Variants in SGCD observed in about 807,000 individuals in gnomAD.
The protein encoded by SGCD is sarcoglycan delta.
In SGCD, 18 loss-of-function variants were observed where a neutral mutation model predicts 36.6. That is an observed-to-expected ratio of 0.49 (90% confidence interval 0.34 to 0.73). The LOEUF (loss-of-function observed/expected upper bound fraction) is 0.73. Ranked by LOEUF, SGCD falls within the 30% of genes least tolerant of loss-of-function variation. SGCD has a pLI of 0.01. For synonymous variants in SGCD, 133 were observed against 130.6 expected, an observed-to-expected ratio of 1.02 and a Z score of -0.12; for missense variants, 387 against 346.7, an observed-to-expected ratio of 1.12 and a Z score of -0.92.
At chr5:156,533,589 T>C (rs1581128432) in intron 4 of SGCD, among the ~76,000 whole-genome samples, 3 of 152,190 alleles carry the variant, frequency 2.0e-5, no homozygotes, top group South Asian at 2.1e-4. Flanking sequence ...TCCAAAGACA[T>C]GGACTTTCTT....
chr5:156,549,198 G>T (rs998509281), intron 4 of SGCD, among the ~76,000 whole-genome samples: 1 of 151,788 alleles, frequency 6.6e-6, no homozygotes, highest in African/African-American at 2.4e-5. Flanking sequence ...CCCAAGGTAT[G>T]ACATCATCTT....
intron 7 of SGCD, chr5:156,704,408 C>T (rs1393495571): frequency 6.6e-6 from 1 of 152,034 alleles, no homozygotes; most frequent in Non-Finnish European, 1.5e-5. Flanking sequence ...TTAGATTTGC[C>T]AAGGAAAGGT....
intron 3 of SGCD, among the ~76,000 whole-genome samples, chr5:156,172,476 G>A (rs544131379): frequency 5.4e-4 from 82 of 152,212 alleles, no homozygotes; most frequent in African/African-American, 1.9e-3. Context: ...AACTTCTCTG[G>A]TTTTTCATTT....
intron 7 of SGCD, among the ~76,000 whole-genome samples, chr5:156,711,516 G>C (rs1184095156): frequency 6.6e-6 from 1 of 152,156 alleles, no homozygotes; most frequent in Non-Finnish European, 1.5e-5. Context: ...TTAATCAATT[G>C]TATTTTGCCA....
the SGCD span, among the ~76,000 whole-genome samples, chr5:155,815,158 C>G: frequency 6.6e-6 from 1 of 152,114 alleles, no homozygotes; most frequent in East Asian, 1.9e-4. Context: ...AATATTCTAA[C>G]TGGAATATAC....
intron 1 of SGCD, among the ~76,000 whole-genome samples, chr5:156,017,294 T>C (rs767631285): frequency 2.6e-5 from 4 of 152,182 alleles, no homozygotes; most frequent in Non-Finnish European, 4.4e-5. Context: ...GTTCCAGCTT[T>C]GTTTATATAG....
At chr5:156,318,278 T>G (rs1424366769) in intron 3 of SGCD, among the ~76,000 whole-genome samples, 1 of 152,192 alleles carries the variant, frequency 6.6e-6, no homozygotes. Context: ...AAAAGGATAA[T>G]TAATGCATTT....
At chr5:156,269,877 A>G (rs1766126940) in intron 3 of SGCD, among the ~76,000 whole-genome samples, 1 of 152,206 alleles carries the variant, frequency 6.6e-6, no homozygotes. Flanking sequence ...CTTAAGTTTA[A>G]TTAGATCTCA....
Position 156,149,695 on chromosome 5 carries a change from C to T in SGCD, c.-44+25676C>T, listed in dbSNP as rs548638713. ...TGAAGGGGCCAGGGGAGGTGGGGAC[C>T]TTGAGAGCTGGTGGGGTGATGTGGG... On this transcript the variant is annotated intron_variant, in intron 3 of 9. Transcript: ENST00000517913. Among the ~76,000 whole-genome samples the T allele has an allele frequency of 2.7e-3, 409 of 151,756 alleles. 5 individuals carry two copies. Among genetic ancestry groups the T allele is most frequent in the African/African-American group, 9.3e-3 (383 of 41,360 alleles).
the SGCD span, among the ~76,000 whole-genome samples, chr5:155,788,108 T>C: frequency 6.6e-6 from 1 of 152,204 alleles, no homozygotes; most frequent in Non-Finnish European, 1.5e-5. Context: ...TATATAGGTG[T>C]GACTCTTTAC....
chr5:156,012,390 CAT>C (rs151326482), intron 1 of SGCD, among the ~76,000 whole-genome samples: 2,633 of 152,170 alleles, frequency 0.017, 75 homozygotes, highest in African/African-American at 0.06. Flanking sequence ...AGAATTTTTT[CAT>C]ATGTTATGAT....
chr5:156,612,038 T>C (rs79806934), intron 6 of SGCD, among the ~76,000 whole-genome samples: 1,839 of 152,336 alleles, frequency 0.012, 36 homozygotes, highest in East Asian at 0.049. Flanking sequence ...CCTAAGCTCA[T>C]GATTTTGAAT....
chr5:156,230,874 G>T (rs1041035177), intron 3 of SGCD, among the ~76,000 whole-genome samples: 1 of 152,114 alleles, frequency 6.6e-6, no homozygotes. Flanking sequence ...TCTAAAAAAC[G>T]CTAGTATATT....
At chr5:156,257,469 G>A (rs1013228847) in intron 3 of SGCD, among the ~76,000 whole-genome samples, 6 of 152,198 alleles carry the variant, frequency 3.9e-5, no homozygotes, top group South Asian at 4.1e-4. Context: ...GCGAGACTCC[G>A]TCTCTAAATA....
At chr5:156,552,174 C>T (rs75476567) in intron 4 of SGCD, among the ~76,000 whole-genome samples, 20,873 of 152,226 alleles carry the variant, frequency 0.14, 1,556 homozygotes, top group East Asian at 0.18. Context: ...AGACACACAG[C>T]ACATGTTTCT....
chr5:156,736,163 A>G (rs759300928), intron 7 of SGCD, among the ~76,000 whole-genome samples: 7 of 152,024 alleles, frequency 4.6e-5, no homozygotes, highest in Admixed American at 1.3e-4. Context: ...TGGATGTGTC[A>G]GTTGGCAGTG....
At chr5:156,652,770 T>A (rs1436495493) in intron 7 of SGCD, among the ~76,000 whole-genome samples, 2 of 152,040 alleles carry the variant, frequency 1.3e-5, no homozygotes, top group Non-Finnish European at 2.9e-5. Context: ...TGATGCCTAG[T>A]TTTTTGGGTT....
intron 3 of SGCD, among the ~76,000 whole-genome samples, chr5:156,424,139 T>C (rs906800944): frequency 6.6e-6 from 1 of 152,032 alleles, no homozygotes; most frequent in Non-Finnish European, 1.5e-5. Flanking sequence ...GTTGGTACCA[T>C]AGAAAATCAT....
At chr5:155,964,388 G>A (rs144517932) in intron 1 of SGCD, among the ~76,000 whole-genome samples, 6 of 152,060 alleles carry the variant, frequency 3.9e-5, no homozygotes, top group Admixed American at 2.6e-4. Context: ...CACCCAGGTT[G>A]GAGTGCAGTG....
Sources: gnomAD v4.1 joint callset for allele counts (sites outside exome capture counted in the v4.1 genomes callset) on GRCh38, gnomAD v4.1.1 for gene constraint, MANE v1.5 for transcripts, NCBI Gene and HGNC (gene_info 2026-07-23, HGNC 2026-07-21) for gene names.